PALM2AKAP2: variants seen among roughly 807,000 people sequenced by gnomAD.
PALM2AKAP2 encodes PALM2 and AKAP2 fusion.
Under a neutral mutation model 71.5 loss-of-function variants are expected in PALM2AKAP2, and 37 were observed. That is an observed-to-expected ratio of 0.52 (90% CI 0.40 to 0.68). PALM2AKAP2 has a LOEUF of 0.68. PALM2AKAP2 is among the 30% of genes least tolerant of loss of function. The pLI is 0.00. For synonymous variants in PALM2AKAP2, 468 were observed against 478.8 expected (o/e 0.98, Z 0.29); for missense variants, 1,224 against 1,191.8 (o/e 1.03, Z -0.40).
chr9:109,908,655 T>C (rs149134779), intron 3 of PALM2AKAP2, among the ~76,000 whole-genome samples: 2 of 152,232 alleles, frequency 1.3e-5, no homozygotes, highest in African/African-American at 4.8e-5. Context: ...TTTTTTTCAA[T>C]GAATGACTCA....
intron 7 of PALM2AKAP2, among the ~76,000 whole-genome samples, chr9:110,028,947 G>GA (rs58707028): frequency 0.15 from 17,208 of 113,742 alleles, 1,134 homozygotes; most frequent in African/African-American, 0.22. Context: ...GGTTCTTTTT[G>GA]AAAAAAAAAA....
chr9:109,843,322 A>G (rs999959849), intron 1 of PALM2AKAP2, among the ~76,000 whole-genome samples: 33 of 150,870 alleles, frequency 2.2e-4, no homozygotes, highest in South Asian at 8.4e-4. Context: ...AAAAAAAAAA[A>G]AAGAAGAAGA....
chr9:109,782,359 TA>T (rs149039309), intron 1 of PALM2AKAP2, among the ~76,000 whole-genome samples: 3,721 of 152,266 alleles, frequency 0.024, 163 homozygotes, highest in African/African-American at 0.085. Flanking sequence ...AATGTGCACC[TA>T]ATACAGTCTG....
At position 109,934,116 on chromosome 9, in the gene PALM2AKAP2, T is replaced by A. The variant is rs139018493; in HGVS notation, c.496+2088T>A. On this transcript the variant is annotated intron_variant, in intron 6 of 9. Transcript: ENST00000302798. ...TGTATAAATGGGAATTTATTTAGAA[T>A]CATTGCTTTTCAGAATTAGGAGACA... 1.6e-3 allele frequency among the ~76,000 whole-genome samples: 244 copies of A among 152,352 alleles called. 1 individual carries two copies. Among genetic ancestry groups the A allele is most frequent in the African/African-American group, 5.8e-3 (241 of 41,584 alleles).
At chr9:109,700,270 G>C (rs921035069) in intron 1 of PALM2AKAP2, among the ~76,000 whole-genome samples, 2 of 152,052 alleles carry the variant, frequency 1.3e-5, no homozygotes, top group East Asian at 3.9e-4. Context: ...GGTTTTTCCT[G>C]TGCTGCTCTC....
chr9:110,053,576 A>G (rs1833762586), intron 1 of PALM2AKAP2, among the ~76,000 whole-genome samples: 1 of 151,798 alleles, frequency 6.6e-6, no homozygotes, highest in Non-Finnish European at 1.5e-5. Flanking sequence ...AAAGAAAAAG[A>G]AAAAAAGAGA....
At chr9:109,806,125 A>G (rs1023276844) in intron 1 of PALM2AKAP2, among the ~76,000 whole-genome samples, 5 of 152,216 alleles carry the variant, frequency 3.3e-5, no homozygotes, top group Admixed American at 3.3e-4. Flanking sequence ...CTTCTTTTGT[A>G]TCAACAAAAT....
intron 1 of PALM2AKAP2, among the ~76,000 whole-genome samples, chr9:109,674,149 A>G (rs1403291156): frequency 2.0e-5 from 3 of 151,720 alleles, no homozygotes; most frequent in Admixed American, 1.3e-4. Context: ...CAGATACTTT[A>G]GCTTTCTGTT....
intron 1 of PALM2AKAP2, among the ~76,000 whole-genome samples, chr9:109,662,795 T>A (rs10120462): frequency 0.095 from 14,384 of 152,186 alleles, 768 homozygotes; most frequent in East Asian, 0.24. Context: ...ATCTGTCTGG[T>A]CCTGGACTTT....
chr9:110,000,318 C>A (rs1228297404), intron 6 of PALM2AKAP2, among the ~76,000 whole-genome samples: 1 of 152,130 alleles, frequency 6.6e-6, no homozygotes, highest in African/African-American at 2.4e-5. Flanking sequence ...CAGCTTCATC[C>A]ATGTCCATAA....
chr9:109,960,366 A>T (rs549265777), intron 6 of PALM2AKAP2, among the ~76,000 whole-genome samples: 8 of 152,316 alleles, frequency 5.3e-5, no homozygotes, highest in Non-Finnish European at 1.0e-4. Context: ...TCATTGGATA[A>T]AATACTAATT....
At chr9:109,800,603 C>CT (rs35716532) in intron 1 of PALM2AKAP2, among the ~76,000 whole-genome samples, 26,956 of 152,162 alleles carry the variant, frequency 0.18, 2,798 homozygotes, top group East Asian at 0.35. Context: ...CCTCAGGATC[C>CT]TTTCAACACA....
intron 6 of PALM2AKAP2, among the ~76,000 whole-genome samples, chr9:109,956,204 T>C (rs968810108): frequency 4.0e-5 from 6 of 151,842 alleles, no homozygotes; most frequent in African/African-American, 1.5e-4. Flanking sequence ...GGGGTTTCGC[T>C]ATGTTGGCCA....
chr9:109,661,362 A>G (rs1827392951), intron 1 of PALM2AKAP2, among the ~76,000 whole-genome samples: 1 of 152,204 alleles, frequency 6.6e-6, no homozygotes, highest in African/African-American at 2.4e-5. Context: ...GAAGGGATCC[A>G]GTTTCAGCTT....
At chr9:109,780,350 C>T, upstream of PALM2AKAP2, 1 of 1,556,674 alleles carries the variant, frequency 6.4e-7, no homozygotes, top group Non-Finnish European at 8.7e-7. Flanking sequence ...CCCGCCGCCC[C>T]TGGAGCGGAT....
chr9:110,137,871 G>A (rs751388688), exon 2 of PALM2AKAP2: 6 of 1,614,198 alleles, frequency 3.7e-6, no homozygotes, highest in Non-Finnish European at 5.1e-6. Flanking sequence ...AAGTCATTTA[G>A]TGATCATGGT....
exon 7 of PALM2AKAP2, chr9:110,015,972 T>C: frequency 6.2e-7 from 1 of 1,614,012 alleles, no homozygotes; most frequent in Non-Finnish European, 8.5e-7. Flanking sequence ...TGGGAGAATG[T>C]GCTGCTAAAG....
At chr9:109,853,102 G>A (rs1438480855) in intron 1 of PALM2AKAP2, among the ~76,000 whole-genome samples, 5 of 152,086 alleles carry the variant, frequency 3.3e-5, no homozygotes, top group African/African-American at 9.7e-5. Flanking sequence ...GGATCTAGGG[G>A]CAAGTTACCT....
At chr9:109,663,139 G>A (rs1056366380) in intron 1 of PALM2AKAP2, among the ~76,000 whole-genome samples, 1 of 152,044 alleles carries the variant, frequency 6.6e-6, no homozygotes, top group African/African-American at 2.4e-5. Context: ...TCAAAAACAA[G>A]CTTCCGGATT....
Sources: allele counts gnomAD v4.1 joint callset (sites outside exome capture counted in the v4.1 genomes callset), GRCh38; gene constraint gnomAD v4.1.1; transcripts MANE v1.5; gene names NCBI Gene and HGNC (gene_info 2026-07-23, HGNC 2026-07-21).